Variants in MYO3B observed in about 807,000 individuals in gnomAD.
The protein encoded by MYO3B is myosin IIIB.
Under a neutral mutation model 174.6 loss-of-function variants are expected in MYO3B, and 156 were observed. The ratio of observed to expected loss-of-function variants is 0.89; its 90% CI spans 0.78 to 1.02. The LOEUF is 1.02. Among genes scored for constraint, MYO3B ranks in the 50% least tolerant of loss-of-function variants. MYO3B has a pLI of 0.00. For missense variants in MYO3B, 1,632 were observed against 1,639.4 expected (o/e 1.00, Z 0.08); for synonymous variants, 563 against 569.1 (o/e 0.99, Z 0.15).
rs576840290 is a variant in MYO3B, at chr2:170,426,679, C to T, written c.2651-17288C>T. On this transcript the variant is annotated intron_variant, in intron 22 of 34. Transcript: ENST00000408978. Reference sequence around the variant, plus strand: ...AGCAAAGGGCACTTGGCAAGTCTTACGCAGTAGCTGAAGAAATATTTTTTG... The same window carrying T: ...AGCAAAGGGCACTTGGCAAGTCTTATGCAGTAGCTGAAGAAATATTTTTTG... Among the ~76,000 whole-genome samples the T allele has an allele frequency of 6.6e-5, 10 of 152,124 alleles. No homozygotes were observed. In the South Asian group the frequency reaches 1.5e-3, roughly 22 times the overall value.
intron 7 of MYO3B, among the ~76,000 whole-genome samples, chr2:170,282,259 C>A (rs2093517133): frequency 6.6e-6 from 1 of 152,042 alleles, no homozygotes; most frequent in Non-Finnish European, 1.5e-5. Context: ...AGTCTTTAAT[C>A]CATTTTGATT....
intron 30 of MYO3B, among the ~76,000 whole-genome samples, chr2:170,525,923 C>T (rs948570468): frequency 1.6e-4 from 24 of 152,150 alleles, no homozygotes; most frequent in African/African-American, 5.8e-4. Flanking sequence ...AACAAATCCT[C>T]CAGCAAATTT....
chr2:170,333,613 G>GT (rs1263362386), intron 7 of MYO3B, among the ~76,000 whole-genome samples: 3 of 151,982 alleles, frequency 2.0e-5, no homozygotes, highest in African/African-American at 7.2e-5. Flanking sequence ...AACAAATTAG[G>GT]TTTTTTGGAC....
chr2:170,234,857 C>T (rs558031755), intron 6 of MYO3B, among the ~76,000 whole-genome samples: 7 of 152,252 alleles, frequency 4.6e-5, no homozygotes, highest in East Asian at 1.9e-4. Context: ...GATTATTTCT[C>T]GCCATCTCAC....
chr2:170,313,457 C>T (rs930140402), intron 7 of MYO3B, among the ~76,000 whole-genome samples: 1 of 152,158 alleles, frequency 6.6e-6, no homozygotes, highest in Non-Finnish European at 1.5e-5. Context: ...GAAAAACCTA[C>T]AGCTGAGCCC....
chr2:170,510,914 T>C (rs751058336), intron 28 of MYO3B, among the ~76,000 whole-genome samples: 8 of 152,346 alleles, frequency 5.3e-5, no homozygotes, highest in Non-Finnish European at 1.2e-4. Context: ...TTTTTAGTAG[T>C]TCATTTATTT....
At chr2:170,383,600 C>G in intron 11 of MYO3B, 110 bp from the exon 12 acceptor site, 1 of 800,034 alleles carries the variant, frequency 1.2e-6, no homozygotes, top group Middle Eastern at 3.5e-4. Context: ...TACAGTCTTC[C>G]TAATGCAACA....
intron 7 of MYO3B, among the ~76,000 whole-genome samples, chr2:170,250,894 T>C (rs2093245289): frequency 6.6e-6 from 1 of 151,966 alleles, no homozygotes; most frequent in Non-Finnish European, 1.5e-5. Context: ...TCTCCTTATC[T>C]TCTCATGCCG....
At chr2:170,437,642 G>A (rs1484290720) in intron 22 of MYO3B, among the ~76,000 whole-genome samples, 1 of 152,130 alleles carries the variant, frequency 6.6e-6, no homozygotes, top group African/African-American at 2.4e-5. Context: ...AGGCTCTAGT[G>A]TCAACTAAAA....
Position 170,225,907 on chromosome 2 carries a change from CT to C in MYO3B, c.603+8513del, listed in dbSNP as rs559729785. 9.8e-4 allele frequency among the ~76,000 whole-genome samples: 150 copies of C among 152,320 alleles called. 1 individual carries two copies. The highest frequency in any genetic ancestry group is 3.5e-3 in the African/African-American group (144 of 41,578). Reference sequence around the variant, plus strand: ...CTAACAGTGGTGGCATATGTTGCCCCTATGCCTACCTCTGCTTAGCCTGTTC... The same window carrying C: ...CTAACAGTGGTGGCATATGTTGCCCCATGCCTACCTCTGCTTAGCCTGTTC... On this transcript the variant is annotated intron_variant, in intron 6 of 34. Transcript: ENST00000408978.
intron 3 of MYO3B, among the ~76,000 whole-genome samples, chr2:170,213,994 T>TA (rs1287630743): frequency 6.6e-6 from 1 of 152,216 alleles, no homozygotes; most frequent in East Asian, 1.9e-4. Context: ...ATTAAAAACA[T>TA]AGACAATATT....
rs971289008 is a variant in MYO3B, at chr2:170,544,012, A to C, written c.3733+24A>C. ...TGGTAAGAAGAACGTTTTGAATTGCATGCGGCTTCTACCATTTGCATGTTT... is the reference window on the plus strand; with the variant it reads ...TGGTAAGAAGAACGTTTTGAATTGCCTGCGGCTTCTACCATTTGCATGTTT... On this transcript the variant is annotated intron_variant, in intron 32 of 34. Transcript: ENST00000408978. The C allele has an allele frequency of 3.3e-6, 5 of 1,537,762 alleles. No homozygotes were observed. In the African/African-American group the frequency reaches 4.1e-5, roughly 13 times the overall value.
chr2:170,615,640 G>A (rs1695412485), intron 32 of MYO3B, among the ~76,000 whole-genome samples: 1 of 152,230 alleles, frequency 6.6e-6, no homozygotes, highest in South Asian at 2.1e-4. Flanking sequence ...CTGTGGGTCA[G>A]GAATCTGGAC....
chr2:170,585,879 C>G (rs114855073), intron 32 of MYO3B, among the ~76,000 whole-genome samples: 3,311 of 152,232 alleles, frequency 0.022, 121 homozygotes, highest in African/African-American at 0.075. Context: ...TGGCGAAACC[C>G]TGTCTCTACT....
At chr2:170,378,168 A>G (rs1456886083) in intron 9 of MYO3B, among the ~76,000 whole-genome samples, 1 of 152,204 alleles carries the variant, frequency 6.6e-6, no homozygotes, top group African/African-American at 2.4e-5. Flanking sequence ...GCTTATGCAA[A>G]GTCTAGGAAA....
chr2:170,563,113 CACACAT>C (rs1355406928), intron 32 of MYO3B, among the ~76,000 whole-genome samples: 1 of 134,362 alleles, frequency 7.4e-6, no homozygotes, highest in African/African-American at 3.5e-5. Context: ...CTCTCTCTCT[CACACAT>C]ACACACACAC....
At chr2:170,500,691 C>T (rs774701171) in intron 27 of MYO3B, among the ~76,000 whole-genome samples, 14 of 152,218 alleles carry the variant, frequency 9.2e-5, no homozygotes, top group Non-Finnish European at 1.8e-4. Context: ...GATGTAAAGC[C>T]CCAGTCACAC....
chr2:170,261,977 G>A (rs1448363951), intron 7 of MYO3B, among the ~76,000 whole-genome samples: 1 of 152,234 alleles, frequency 6.6e-6, no homozygotes. Context: ...AAGCTGGGGA[G>A]ATGTAGTGAT....
At chr2:170,295,954 G>T (rs2093626097) in intron 7 of MYO3B, among the ~76,000 whole-genome samples, 1 of 152,162 alleles carries the variant, frequency 6.6e-6, no homozygotes, top group Non-Finnish European at 1.5e-5. Context: ...AGCCAGTAGA[G>T]TGCACCTTTT....
Sources: allele counts gnomAD v4.1 joint callset (sites outside exome capture counted in the v4.1 genomes callset), GRCh38; gene constraint gnomAD v4.1.1; transcripts MANE v1.5; gene names NCBI Gene and HGNC (gene_info 2026-07-23, HGNC 2026-07-21).